Variants in FNTA observed in about 807,000 individuals in gnomAD.
FNTA encodes protein farnesyltransferase/geranylgeranyltransferase type-1 subunit alpha.
FNTA carries 27 observed loss-of-function variants against 55.2 expected under a neutral mutation model. That is an observed-to-expected ratio of 0.49 (90% CI 0.36 to 0.67). The LOEUF is 0.67. FNTA is among the 30% of genes least tolerant of loss of function. The pLI, the probability that FNTA is intolerant of heterozygous loss-of-function variation, is 0.00. For missense variants in FNTA, 422 were observed against 464.7 expected (o/e 0.91, Z 0.85); for synonymous variants, 176 against 170.7 (o/e 1.03, Z -0.24).
rs748714012 is a variant in FNTA, at chr8:43,085,274, C to T, written c.1132C>T (p.Gln378Ter). 7.5e-6 allele frequency: 12 copies of T among 1,605,006 alleles called. No individual in the cohort carries two copies. The South Asian group carries it at 1.0e-4, about 14-fold the overall frequency. ...STENDSPTNV[Q>*]Q ...AGAAAATGACTCACCAACAAATGTA[C>T]AGCAATAACACCATCCAGAAGAACT... The change falls in exon 9 of 9, where the codon CAG becomes TAG. Residue 378 changes from glutamine (Q) to a stop codon, truncating the protein, a stop_gained. Transcript: ENST00000302279. LOFTEE classifies it high-confidence loss of function.
intron 1 of FNTA, 188 bp from the exon 2 acceptor site, chr8:43,058,899 TTTTAC>T: frequency 4.8e-6 from 2 of 413,334 alleles, no homozygotes; most frequent in Non-Finnish European, 8.5e-6. Flanking sequence ...TTTGTTTTAA[TTTTAC>T]TTTAATAGTT....
intron 8 of FNTA, 62 bp downstream of exon 8, chr8:43,084,943 A>G: frequency 2.8e-6 from 4 of 1,452,378 alleles, no homozygotes; most frequent in South Asian, 1.2e-5. Context: ...GCCCAATACC[A>G]CTAATATCCA....
intron 4 of FNTA, among the ~76,000 whole-genome samples, chr8:43,071,703 A>C (rs1810795420): frequency 6.6e-6 from 1 of 151,834 alleles, no homozygotes; most frequent in East Asian, 1.9e-4. Flanking sequence ...TCAAAAAAAA[A>C]AAAAAAAACA....
At chr8:43,062,173 A>ATGTGTGTGTG (rs35607201) in intron 2 of FNTA, among the ~76,000 whole-genome samples, 1,946 of 148,994 alleles carry the variant, frequency 0.013, 18 homozygotes, top group Non-Finnish European at 0.02. Flanking sequence ...TGTATGTTTT[A>ATGTGTGTGTG]TGTGTGTGTG....
chr8:43,060,675 CA>C (rs202205706), intron 2 of FNTA, among the ~76,000 whole-genome samples: 2,067 of 141,120 alleles, frequency 0.015, 23 homozygotes, highest in African/African-American at 0.035. Context: ...AACTCTGTCT[CA>C]AAAAAAAAAA....
chr8:43,058,928 A>G (rs1810472117), intron 1 of FNTA, 164 bp from the exon 2 acceptor site: 2 of 493,942 alleles, frequency 4.0e-6, no homozygotes. Context: ...TGTGTAAAAC[A>G]TATTGGCAAA....
chr8:43,068,988 A>G (rs1417631441), intron 3 of FNTA, among the ~76,000 whole-genome samples: 1 of 152,190 alleles, frequency 6.6e-6, no homozygotes, highest in African/African-American at 2.4e-5. Flanking sequence ...CTGGGGTTAC[A>G]GGCGTGAGCC....
Position 43,056,474 on chromosome 8 carries a change from C to G in FNTA, c.128C>G (p.Ala43Gly). Reference sequence around the variant, plus strand: ...CACAAGGAAGAGATGGCGGCCGAGGCTGGGGAAGCCGTGGCGTCCCCCATG... The same window carrying G: ...CACAAGGAAGAGATGGCGGCCGAGGGTGGGGAAGCCGTGGCGTCCCCCATG... ...QQHKEEMAAE[A>G]GEAVASPMDD... The change falls in exon 1 of 9, where the codon GCT becomes GGT. Residue 43 changes from alanine (A) to glycine (G), a missense_variant. This residue lies in a region of FNTA where 160 missense variants were observed against 121.6 expected (regional missense o/e 1.32). Coordinates refer to ENST00000302279, the MANE Select transcript of FNTA (RefSeq NM_002027.3). 6.4e-7 allele frequency: 1 copy of G among 1,570,318 alleles called. No individual in the cohort carries two copies. The highest frequency in any genetic ancestry group is 8.6e-7 in the Non-Finnish European group (1 of 1,162,000).
intron 4 of FNTA, chr8:43,070,298 A>AC (rs1425092297): frequency 6.6e-6 from 1 of 151,670 alleles, no homozygotes; most frequent in Non-Finnish European, 1.5e-5. Flanking sequence ...ACCGAGTGAG[A>AC]CTCTGTCTCA....
intron 1 of FNTA, among the ~76,000 whole-genome samples, chr8:43,057,954 C>A (rs1810448830): frequency 1.5e-5 from 2 of 129,728 alleles, no homozygotes; most frequent in African/African-American, 3.2e-5. Flanking sequence ...GTGACTCCAT[C>A]TCAAAAAAAA....
At chr8:43,067,547 A>G (rs1207766991) in intron 3 of FNTA, among the ~76,000 whole-genome samples, 1 of 151,574 alleles carries the variant, frequency 6.6e-6, no homozygotes, top group Non-Finnish European at 1.5e-5. Context: ...CACTTAAAAG[A>G]TTTCCTGTGA....
chr8:43,072,349 A>T (rs775261954), intron 5 of FNTA, 42 bp downstream of exon 5: 30 of 1,391,364 alleles, frequency 2.2e-5, no homozygotes, highest in Middle Eastern at 3.8e-4. Flanking sequence ...TTTTTTTTTT[A>T]ACTGAACTAA....
chr8:43,077,426 A>T, intron 6 of FNTA, 62 bp downstream of exon 6: 1 of 1,365,444 alleles, frequency 7.3e-7, no homozygotes, highest in Non-Finnish European at 1.0e-6. Flanking sequence ...ACCATATCTC[A>T]GGCACTGGGG....
chr8:43,063,996 G>T, intron 2 of FNTA, 105 bp from the exon 3 acceptor site: 1 of 731,606 alleles, frequency 1.4e-6, no homozygotes, highest in East Asian at 2.7e-5. Context: ...TGGTATAAAT[G>T]ATACACAGGC....
chr8:43,082,744 A>T (rs1048965150), intron 6 of FNTA: 1 of 159,434 alleles, frequency 6.3e-6, no homozygotes, highest in African/African-American at 2.4e-5. Context: ...GCTGTGCCAC[A>T]GTCTTAGTAA....
At chr8:43,074,584 T>G (rs1810867609) in intron 5 of FNTA, among the ~76,000 whole-genome samples, 1 of 151,462 alleles carries the variant, frequency 6.6e-6, no homozygotes, top group Non-Finnish European at 1.5e-5. Flanking sequence ...TACTCACCAG[T>G]CAAAAGAAAT....
chr8:43,078,049 A>G (rs892757106), intron 6 of FNTA: 1 of 152,216 alleles, frequency 6.6e-6, no homozygotes, highest in African/African-American at 2.4e-5. Context: ...TGTTTGAACA[A>G]CTGTTGAGTG....
intron 4 of FNTA, among the ~76,000 whole-genome samples, 161 bp from the exon 5 acceptor site, chr8:43,072,019 AT>A (rs202178856): frequency 4.9e-4 from 74 of 151,826 alleles, no homozygotes; most frequent in Non-Finnish European, 2.4e-4. Flanking sequence ...TTTTTTTTCT[AT>A]TTTTTTTGTG....
chr8:43,063,848 T>C (rs746588309), intron 2 of FNTA, among the ~76,000 whole-genome samples: 8 of 152,216 alleles, frequency 5.3e-5, no homozygotes, highest in South Asian at 2.1e-4. Flanking sequence ...ATGGGAGATA[T>C]GGAATCTGGC....
Sources: allele counts gnomAD v4.1 joint callset (sites outside exome capture counted in the v4.1 genomes callset), GRCh38; gene constraint gnomAD v4.1.1; regional missense constraint gnomAD v4.1.1; transcripts MANE v1.5; gene names NCBI Gene and HGNC (gene_info 2026-07-23, HGNC 2026-07-21).